Variants in NPEPPS observed in about 807,000 individuals in gnomAD.
The protein encoded by NPEPPS is aminopeptidase puromycin sensitive.
In NPEPPS, 14 loss-of-function variants were observed where a neutral mutation model predicts 115.5. The ratio of observed to expected loss-of-function variants is 0.12; its 90% CI spans 0.08 to 0.19. The LOEUF is 0.19. Ranked by LOEUF, NPEPPS falls within the 10% of genes least tolerant of loss-of-function variation. The pLI, the probability that NPEPPS is intolerant of heterozygous loss-of-function variation, is 1.00. For synonymous variants in NPEPPS, 285 were observed against 390.6 expected (o/e 0.73, Z 3.19); for missense variants, 523 against 1,110.8 (o/e 0.47, Z 7.52).
At chr17:47,603,670 C>T (rs1013090415) in intron 15 of NPEPPS, 2 of 359,352 alleles carry the variant, frequency 5.6e-6, no homozygotes, top group Non-Finnish European at 1.0e-5. Flanking sequence ...ATTATTTTGT[C>T]CCTTCCTTGT....
chr17:47,618,142 A>G (rs902787612), intron 19 of NPEPPS, among the ~76,000 whole-genome samples: 2 of 152,092 alleles, frequency 1.3e-5, no homozygotes, highest in Admixed American at 1.3e-4. Flanking sequence ...CGGCCTCCCA[A>G]AGTGCTGGGA....
chr17:47,557,940 T>G lies in NPEPPS; in HGVS notation c.341-11477T>G, dbSNP rs1438545466. On this transcript the variant is annotated intron_variant, in intron 2 of 22. Transcript: ENST00000322157. ...GCAATTATGATTTGATTCCATGTTT[T>G]TTTTTTTTTTTGTACAGTCTCTGTC... 1.5e-4 allele frequency among the ~76,000 whole-genome samples: 22 copies of G among 150,552 alleles called. 1 individual carries two copies. The highest frequency in any genetic ancestry group is 1.5e-5 in the Non-Finnish European group (1 of 67,516).
At chr17:47,532,490 C>T (rs1218587569) in intron 1 of NPEPPS, among the ~76,000 whole-genome samples, 2 of 151,814 alleles carry the variant, frequency 1.3e-5, no homozygotes, top group Non-Finnish European at 2.9e-5. Context: ...CCCGTCTCTA[C>T]TAAAAATACA....
chr17:47,610,680 ACC>A (rs1267876761), intron 17 of NPEPPS, among the ~76,000 whole-genome samples: 1 of 149,656 alleles, frequency 6.7e-6, no homozygotes, highest in African/African-American at 2.5e-5. Flanking sequence ...CCACACCCAG[ACC>A]CCCGGCTCTC....
intron 22 of NPEPPS, 51 bp from the exon 23 acceptor site, chr17:47,621,717 T>G: frequency 1.3e-6 from 2 of 1,534,556 alleles, no homozygotes; most frequent in South Asian, 2.4e-5. Flanking sequence ...CCTGTAATAT[T>G]AACTTCTTAT....
At chr17:47,538,202 CTTTTTTT>C (rs543559258) in intron 1 of NPEPPS, among the ~76,000 whole-genome samples, 6 of 58,496 alleles carry the variant, frequency 1.0e-4, no homozygotes, top group South Asian at 1.6e-3. Context: ...CATATCTGTT[CTTTTTTT>C]TTTTTTTTTT....
At chr17:47,553,356 A>G (rs1909780709) in intron 2 of NPEPPS, among the ~76,000 whole-genome samples, 1 of 151,438 alleles carries the variant, frequency 6.6e-6, no homozygotes. Context: ...CTGGGGGACA[A>G]GAGACTTCTA....
intron 1 of NPEPPS, among the ~76,000 whole-genome samples, chr17:47,531,818 C>T (rs1907800876): frequency 6.6e-6 from 1 of 152,080 alleles, no homozygotes; most frequent in Non-Finnish European, 1.5e-5. Flanking sequence ...GGGGAGCCGG[C>T]GGCCCGGCCA....
At chr17:47,531,587 G>T (rs1471090245) in intron 1 of NPEPPS, 32 bp downstream of exon 1, 1 of 1,568,256 alleles carries the variant, frequency 6.4e-7, no homozygotes, top group Admixed American at 1.9e-5. Flanking sequence ...GGGGCAAGCT[G>T]CGGGGCGAGC....
intron 2 of NPEPPS, among the ~76,000 whole-genome samples, chr17:47,567,000 G>C (rs758972767): frequency 6.6e-6 from 1 of 152,022 alleles, no homozygotes; most frequent in Non-Finnish European, 1.5e-5. Flanking sequence ...AGAATCTCCC[G>C]AACCTGATGG....
chr17:47,571,497 T>A (rs1420240027), intron 3 of NPEPPS, among the ~76,000 whole-genome samples: 4 of 152,162 alleles, frequency 2.6e-5, no homozygotes, highest in African/African-American at 9.7e-5. Context: ...GGCGGGTGGA[T>A]CACGAGGTCA....
intron 10 of NPEPPS, among the ~76,000 whole-genome samples, chr17:47,591,350 A>C (rs1213131120): frequency 6.6e-6 from 1 of 152,202 alleles, no homozygotes; most frequent in Non-Finnish European, 1.5e-5. Context: ...CAGCCTGGGC[A>C]ACAAGAGCAA....
At chr17:47,595,483 T>C (rs1912805919) in intron 12 of NPEPPS, among the ~76,000 whole-genome samples, 1 of 152,252 alleles carries the variant, frequency 6.6e-6, no homozygotes, top group South Asian at 2.1e-4. Flanking sequence ...AACTCATCTG[T>C]TTATCTTTTA....
At chr17:47,571,360 T>C (rs1247924202) in intron 3 of NPEPPS, among the ~76,000 whole-genome samples, 1 of 152,120 alleles carries the variant, frequency 6.6e-6, no homozygotes, top group African/African-American at 2.4e-5. Context: ...TTAGAAAAAA[T>C]TTAAATTGGA....
At chr17:47,559,060 A>AAG (rs1910258726) in intron 2 of NPEPPS, among the ~76,000 whole-genome samples, 1 of 151,896 alleles carries the variant, frequency 6.6e-6, no homozygotes, top group African/African-American at 2.4e-5. Flanking sequence ...AAAAAAAAAA[A>AAG]AAAGATAGGG....
chr17:47,552,050 GCAGCCTCCT>G, intron 2 of NPEPPS, among the ~76,000 whole-genome samples: 1 of 119,712 alleles, frequency 8.4e-6, no homozygotes, highest in African/African-American at 3.0e-5. Context: ...GTGGCTTACT[GCAGCCTCCT>G]GGGCTCAAGT....
chr17:47,549,082 T>C (rs375545830), intron 2 of NPEPPS, among the ~76,000 whole-genome samples: 7 of 151,932 alleles, frequency 4.6e-5, no homozygotes, highest in African/African-American at 1.7e-4. Context: ...CAGTGGCTCA[T>C]GCCTGTAATC....
At chr17:47,538,526 C>CTTT (rs1029993473) in intron 1 of NPEPPS, among the ~76,000 whole-genome samples, 7 of 104,416 alleles carry the variant, frequency 6.7e-5, no homozygotes, top group African/African-American at 1.2e-4. Context: ...TATCTGTTTT[C>CTTT]TTTTTTTTTT....
intron 2 of NPEPPS, among the ~76,000 whole-genome samples, chr17:47,558,148 G>A (rs1197013752): frequency 6.6e-6 from 1 of 151,944 alleles, no homozygotes; most frequent in Non-Finnish European, 1.5e-5. Flanking sequence ...TTTATTTAGA[G>A]ATGGAGTCTC....
Sources: allele counts gnomAD v4.1 joint callset (sites outside exome capture counted in the v4.1 genomes callset), GRCh38; gene constraint gnomAD v4.1.1; transcripts MANE v1.5; gene names NCBI Gene and HGNC (gene_info 2026-07-23, HGNC 2026-07-21).